Variants in SPATA16 observed in about 807,000 individuals in gnomAD.
The protein encoded by SPATA16 is spermatogenesis-associated protein 16.
SPATA16 carries 36 observed loss-of-function variants against 63.3 expected under a neutral mutation model. The observed-to-expected ratio is 0.57, with a 90% CI of 0.44 to 0.75. SPATA16 has a LOEUF of 0.75. Ranked by LOEUF, SPATA16 falls within the 30% of genes least tolerant of loss-of-function variation. SPATA16 has a pLI of 0.00. For synonymous variants in SPATA16, 203 were observed against 216.7 expected (o/e 0.94, Z 0.56); for missense variants, 646 against 679.3 (o/e 0.95, Z 0.54).
At chr3:173,041,690 G>A (rs943068083) in intron 3 of SPATA16, among the ~76,000 whole-genome samples, 4 of 151,786 alleles carry the variant, frequency 2.6e-5, no homozygotes, top group East Asian at 1.9e-4. Context: ...AAGTTCATCC[G>A]AGATCATGAC....
rs1273546083 is a variant in SPATA16, at chr3:172,945,624, C to T, written c.1081+11053G>A. Among the ~76,000 whole-genome samples the T allele has an allele frequency of 2.0e-5, 3 of 152,116 alleles. No homozygotes were observed. The East Asian group carries it at 5.8e-4, about 29-fold the overall frequency. Reference sequence around the variant, plus strand: ...TGGGACTTTGTATTGGAACTCAGTGCTGCCTTGTCACAATGGAAAGCAACA... The same window carrying T: ...TGGGACTTTGTATTGGAACTCAGTGTTGCCTTGTCACAATGGAAAGCAACA... On this transcript the variant is annotated intron_variant, in intron 6 of 10. Transcript: ENST00000351008.
In SPATA16 at chr3:173,117,352, A is replaced by G; in HGVS notation, c.380T>C (p.Leu127Ser). The G allele has an allele frequency of 6.2e-7, 1 of 1,614,212 alleles. No homozygotes were observed. The change falls in exon 2 of 11, where the codon TTG (leucine) becomes TCG (serine). Residue 127 changes from leucine to serine, a missense_variant. Transcript: ENST00000351008. ...AACACCCATTTCATCAATGTAGACC[A>G]ACTTCATTTCCACATCCATTATGTT... ...LKNIMDVEMK[L>S]VYIDEMGVRY...
chr3:173,117,853 T>C (rs1318807030), intron 1 of SPATA16, 104 bp from the exon 2 acceptor site: 3 of 1,551,428 alleles, frequency 1.9e-6, no homozygotes, highest in South Asian at 1.2e-5. Context: ...TCATTATTAG[T>C]ATTTGTTGCC....
intron 2 of SPATA16, among the ~76,000 whole-genome samples, chr3:173,069,898 CA>C (rs895754572): frequency 2.0e-5 from 3 of 151,312 alleles, no homozygotes; most frequent in African/African-American, 7.3e-5. Flanking sequence ...ATGATTACTT[CA>C]ATAGATGCTA....
At chr3:173,139,138 C>G (rs1335947895) in intron 1 of SPATA16, among the ~76,000 whole-genome samples, 1 of 152,138 alleles carries the variant, frequency 6.6e-6, no homozygotes, top group East Asian at 1.9e-4. Context: ...GGAAGATTGC[C>G]TGAAAACAGT....
intron 5 of SPATA16, among the ~76,000 whole-genome samples, chr3:172,964,606 C>G (rs1049509880): frequency 1.3e-5 from 2 of 152,070 alleles, no homozygotes; most frequent in African/African-American, 4.8e-5. Flanking sequence ...AGCTTGGGAC[C>G]CTTTTTTGTC....
chr3:172,927,057 A>C (rs1386159216), intron 6 of SPATA16, among the ~76,000 whole-genome samples: 1 of 152,240 alleles, frequency 6.6e-6, no homozygotes, highest in Admixed American at 6.5e-5. Context: ...AAAATAGTAC[A>C]CCACGAGTGT....
Position 173,117,116 on chromosome 3 carries a change from A to G in SPATA16, c.612+4T>C. 6.2e-7 allele frequency: 1 copy of G among 1,613,878 alleles called. No individual in the cohort carries two copies. The highest frequency in any genetic ancestry group is 8.5e-7 in the Non-Finnish European group (1 of 1,179,806). ...ACCAATCTATATTTTCTTTAATCCC[A>G]TACCTCAAGTGCTGTTCTGAACTGT... On this transcript the variant is annotated splice_donor_region_variant and intron_variant, in intron 2 of 10. Coordinates refer to ENST00000351008, the MANE Select transcript of SPATA16 (RefSeq NM_031955.6).
chr3:172,894,803 C>T (rs537149669), intron 10 of SPATA16, among the ~76,000 whole-genome samples: 34 of 152,274 alleles, frequency 2.2e-4, no homozygotes, highest in African/African-American at 8.2e-4. Context: ...GCTCTGTCCA[C>T]CATGTGAAGA....
At chr3:173,100,687 C>G (rs1250383793) in intron 2 of SPATA16, among the ~76,000 whole-genome samples, 2 of 150,418 alleles carry the variant, frequency 1.3e-5, no homozygotes, top group African/African-American at 2.5e-5. Context: ...CACACACACA[C>G]ACACACACAC....
chr3:173,101,394 C>A (rs1363413792), intron 2 of SPATA16, among the ~76,000 whole-genome samples: 2 of 152,142 alleles, frequency 1.3e-5, no homozygotes, highest in Non-Finnish European at 2.9e-5. Context: ...TTCTCTCCAC[C>A]GTTTTCAACT....
intron 4 of SPATA16, among the ~76,000 whole-genome samples, chr3:172,980,405 C>T (rs1268422657): frequency 6.6e-6 from 1 of 152,142 alleles, no homozygotes; most frequent in Non-Finnish European, 1.5e-5. Flanking sequence ...AATGTTGCTT[C>T]CGACTATTTT....
At chr3:173,109,393 C>T (rs1737694601) in intron 2 of SPATA16, among the ~76,000 whole-genome samples, 1 of 152,110 alleles carries the variant, frequency 6.6e-6, no homozygotes, top group Non-Finnish European at 1.5e-5. Context: ...GGGTGTGCAG[C>T]ACAGCCACGA....
At chr3:172,983,255 A>G (rs1734362245) in intron 4 of SPATA16, among the ~76,000 whole-genome samples, 1 of 151,988 alleles carries the variant, frequency 6.6e-6, no homozygotes, top group South Asian at 2.1e-4. Flanking sequence ...TCCTCACAAT[A>G]ATTTATTAAT....
intron 3 of SPATA16, among the ~76,000 whole-genome samples, chr3:173,043,939 T>A (rs1735903421): frequency 6.6e-6 from 1 of 152,136 alleles, no homozygotes; most frequent in East Asian, 1.9e-4. Flanking sequence ...TATTTTGGCA[T>A]CCATATTTCT....
rs60404306 is a variant in SPATA16, at chr3:172,952,938, CAA to C, written c.1081+3737_1081+3738del. ...CTGGCAATAGAGTGAGACTCCATCT[CAA>C]AAAAAAAAAAAAAAAAAAAAGAAAA... is the stretch of plus-strand genomic sequence containing the variant. On this transcript the variant is annotated intron_variant, in intron 6 of 10. Coordinates refer to ENST00000351008, the MANE Select transcript of SPATA16 (RefSeq NM_031955.6). Among the ~76,000 whole-genome samples, 235 of 77,966 alleles carry C rather than the reference CAA, an allele frequency of 3.0e-3. 1 individual carries two copies. The highest frequency in any genetic ancestry group is 5.8e-3 in the African/African-American group (124 of 21,268). The allele number at this position is 77,966 out of a possible 152,430, so 51.1% of individuals were successfully genotyped here.
intron 1 of SPATA16, among the ~76,000 whole-genome samples, chr3:173,130,020 G>C (rs1436893812): frequency 6.6e-6 from 1 of 152,184 alleles, no homozygotes; most frequent in Non-Finnish European, 1.5e-5. Context: ...ACATATCACT[G>C]TAAAGTATCT....
chr3:173,085,138 C>T (rs1235646639), intron 2 of SPATA16, among the ~76,000 whole-genome samples: 1 of 152,152 alleles, frequency 6.6e-6, no homozygotes, highest in Non-Finnish European at 1.5e-5. Context: ...ATTGATTCTT[C>T]CTATCCATGA....
At chr3:173,105,293 T>C (rs1338214847) in intron 2 of SPATA16, among the ~76,000 whole-genome samples, 1 of 152,170 alleles carries the variant, frequency 6.6e-6, no homozygotes, top group Non-Finnish European at 1.5e-5. Context: ...CTAGAGGGTG[T>C]TCAGACCCAT....
Sources: gnomAD v4.1 joint callset for allele counts (sites outside exome capture counted in the v4.1 genomes callset) on GRCh38, gnomAD v4.1.1 for gene constraint, MANE v1.5 for transcripts, NCBI Gene and HGNC (gene_info 2026-07-23, HGNC 2026-07-21) for gene names.